Variants in WDR35 observed in about 807,000 individuals in gnomAD.
The protein encoded by WDR35 is WD repeat domain 35, also known as WD repeat-containing protein 35.
WDR35 carries 118 observed loss-of-function variants against 158.3 expected under a neutral mutation model. The observed-to-expected ratio is 0.75, with a 90% CI of 0.64 to 0.87. The LOEUF (loss-of-function observed/expected upper bound fraction) is 0.87, where lower values mean the gene tolerates loss of function less well. WDR35 is among the 40% of genes least tolerant of loss of function. WDR35 has a pLI of 0.00. For missense variants in WDR35, 1,263 were observed against 1,405.8 expected (o/e 0.90, Z 1.62); for synonymous variants, 448 against 476.1 (o/e 0.94, Z 0.77).
rs566582778 is a variant in WDR35 at position 19,911,941 on chromosome 2, C to T, written c.*1617G>A. The T allele has an allele frequency of 1.3e-5, 2 of 152,354 alleles. No homozygotes were observed. The highest frequency in any genetic ancestry group is 1.9e-4 in the East Asian group (1 of 5,184). The allele number at this position is 152,354 out of a possible 1,614,324, so 9.4% of individuals were successfully genotyped here. Reference sequence around the variant, plus strand: ...TTGCTGTGGTGAAGTGTACTTGCCCCTGACACCCTTCTATAGAGCAAGTGT... The same window carrying T: ...TTGCTGTGGTGAAGTGTACTTGCCCTTGACACCCTTCTATAGAGCAAGTGT... On this transcript the variant is annotated 3_prime_UTR_variant, in exon 27 of 27. Transcript: ENST00000281405.
chr2:19,966,828 T>A lies in WDR35; in HGVS notation c.1090A>T (p.Lys364Ter). The change falls in exon 10 of 27, where the codon AAA (lysine) becomes TAA (stop). Residue 364 changes from lysine (K) to a stop codon, truncating the protein, a stop_gained. Transcript: ENST00000281405. LOFTEE classifies it high-confidence loss of function. The stretch of plus-strand genomic sequence containing the variant: ...TATTTAACATATTTTTCATTGTTTT[T>A]CGTATCCCAGAAGACAACACAATAT... ...PEYCVVFWDT[K>*]NNEKYVKYVK... is the part of the protein sequence containing the mutation. 1 of 1,614,028 alleles carries A rather than the reference T, an allele frequency of 6.2e-7. No individual in the cohort carries two copies. The highest frequency in any genetic ancestry group is 8.5e-7 in the Non-Finnish European group (1 of 1,179,962).
At position 19,914,139 on chromosome 2, in the gene WDR35, C is replaced by G. The variant is rs757297817; in HGVS notation, c.3260G>C (p.Ser1087Thr). 2 of 1,614,140 alleles carry G rather than the reference C, an allele frequency of 1.2e-6. No individual in the cohort carries two copies. The highest frequency in any genetic ancestry group is 1.7e-5 in the Admixed American group (1 of 60,014). The change falls in exon 26 of 27, where the codon AGT (serine) becomes ACT (threonine). Residue 1087 changes from serine (S) to threonine (T), a missense_variant. By Grantham distance (58) the Ser-to-Thr change is moderately conservative (BLOSUM62 1). Transcript: ENST00000281405. ...TTCATACTGCTGTTTCTGTTCTGAA[C>G]TGAGGGTCTCTAAAGATTTAAGTTT... ...FIKLKSLETL[S>T]SEQKQQYEDL...
intron 25 of WDR35, among the ~76,000 whole-genome samples, chr2:19,920,314 CTA>C (rs1390177299): frequency 6.6e-6 from 1 of 152,184 alleles, no homozygotes; most frequent in East Asian, 1.9e-4. Flanking sequence ...TGATGAACAT[CTA>C]TGAGAAAATC....
intron 25 of WDR35, among the ~76,000 whole-genome samples, chr2:19,919,103 A>G (rs1670079002): frequency 6.6e-6 from 1 of 152,090 alleles, no homozygotes; most frequent in African/African-American, 2.4e-5. Context: ...CATCAAGGCC[A>G]GGCGCAGTGG....
At chr2:19,941,062 G>T (rs146536863) in intron 17 of WDR35, among the ~76,000 whole-genome samples, 1,833 of 152,134 alleles carry the variant, frequency 0.012, 22 homozygotes, top group Middle Eastern at 0.037. Context: ...ACCCAAACCT[G>T]TTCCAAATTG....
chr2:19,951,446 T>TC lies in WDR35; in HGVS notation c.1438dup (p.Asp480GlyfsTer5). 1.9e-6 allele frequency: 3 copies of TC among 1,611,616 alleles called. No homozygotes were observed. Among genetic ancestry groups the TC allele is most frequent in the Non-Finnish European group, 2.5e-6 (3 of 1,178,692 alleles). ...GGTTTTACTATAATCAAGCACACCA[T>TC]CCATTGATCCAGAAGGGGTATCATC... On this transcript the variant is annotated frameshift_variant, in exon 13 of 27. Coordinates refer to ENST00000281405, the MANE Select transcript of WDR35 (RefSeq NM_020779.4). LOFTEE classifies it high-confidence loss of function.
At chr2:19,961,752 T>C (rs375735280) in intron 10 of WDR35, among the ~76,000 whole-genome samples, 11 of 152,288 alleles carry the variant, frequency 7.2e-5, no homozygotes, top group African/African-American at 2.4e-4. Context: ...CAAAGGACAA[T>C]AATGTCCACT....
chr2:19,921,004 C>G (rs575788764), intron 25 of WDR35, among the ~76,000 whole-genome samples: 1 of 152,090 alleles, frequency 6.6e-6, no homozygotes, highest in African/African-American at 2.4e-5. Context: ...AATAAAATAC[C>G]TAGGAATACA....
rs1672675432 is a variant in WDR35 at position 19,989,388 on chromosome 2, C to T, written c.25-106G>A. The T allele has an allele frequency of 3.8e-6, 4 of 1,040,236 alleles. No homozygotes were observed. In the East Asian group the frequency reaches 7.1e-5, roughly 18 times the overall value. The allele number at this position is 1,040,236 out of a possible 1,614,324, so 64.4% of individuals were successfully genotyped here. A position where few individuals can be genotyped will look rare whatever the true frequency, so the allele number is the denominator to read the frequency against. On this transcript the variant is annotated intron_variant, in intron 1 of 26. Coordinates refer to ENST00000281405, the MANE Select transcript of WDR35 (RefSeq NM_020779.4). ...AAAATCTTCCAAGAAGAAAAACGAA[C>T]GGCCTTGCAGAAAAAAAATGAGCTG...
At chr2:19,989,335 G>GT (rs878919059) in intron 1 of WDR35, 53 bp from the exon 2 acceptor site, 2 of 1,460,396 alleles carry the variant, frequency 1.4e-6, no homozygotes, top group South Asian at 1.1e-5. Flanking sequence ...GAGCTGGGAA[G>GT]TAAGTCTGCA....
intron 2 of WDR35, among the ~76,000 whole-genome samples, chr2:19,988,332 A>C (rs1672636089): frequency 1.3e-5 from 2 of 152,330 alleles, no homozygotes; most frequent in Non-Finnish European, 2.9e-5. Context: ...CGGTCTGAGG[A>C]CCAGCAACTC....
chr2:19,927,334 C>T (rs533543587), intron 25 of WDR35, among the ~76,000 whole-genome samples: 10 of 152,292 alleles, frequency 6.6e-5, no homozygotes, highest in East Asian at 3.9e-4. Flanking sequence ...AAAAAATGAA[C>T]GTACTTGTTT....
At chr2:19,963,569 T>C (rs1558348486) in intron 10 of WDR35, among the ~76,000 whole-genome samples, 1 of 152,154 alleles carries the variant, frequency 6.6e-6, no homozygotes, top group African/African-American at 2.4e-5. Flanking sequence ...TGGTACTTTC[T>C]TCCTCACTGG....
At chr2:19,914,524 G>C (rs1669937153) in intron 25 of WDR35, among the ~76,000 whole-genome samples, 1 of 152,146 alleles carries the variant, frequency 6.6e-6, no homozygotes. Context: ...GGCTGTGCCA[G>C]CTCAGAAATA....
chr2:19,985,586 A>G (rs1290706792), intron 2 of WDR35, among the ~76,000 whole-genome samples: 2 of 151,616 alleles, frequency 1.3e-5, no homozygotes, highest in East Asian at 3.9e-4. Context: ...CCTTTAAAAA[A>G]AAAAAAAAAA....
intron 2 of WDR35, among the ~76,000 whole-genome samples, chr2:19,983,613 G>A (rs1672458849): frequency 1.3e-5 from 2 of 152,268 alleles, no homozygotes; most frequent in South Asian, 4.1e-4. Flanking sequence ...AAGAATTTGT[G>A]AGAATGGGAA....
At chr2:19,923,735 AT>A (rs533465707) in intron 25 of WDR35, among the ~76,000 whole-genome samples, 1 of 152,312 alleles carries the variant, frequency 6.6e-6, no homozygotes, top group South Asian at 2.1e-4. Flanking sequence ...CGAGAGGGTG[AT>A]TTACAGGCTT....
intron 10 of WDR35, among the ~76,000 whole-genome samples, chr2:19,964,164 C>T (rs1345246699): frequency 6.6e-6 from 1 of 152,064 alleles, no homozygotes; most frequent in Non-Finnish European, 1.5e-5. Context: ...ATCTGTTTTT[C>T]CTCCCTGAAA....
intron 4 of WDR35, among the ~76,000 whole-genome samples, chr2:19,979,888 A>G (rs1672331272): frequency 6.6e-6 from 1 of 152,142 alleles, no homozygotes; most frequent in Non-Finnish European, 1.5e-5. Context: ...AACAGCACAC[A>G]TGAACTTTTC....
Sources: allele counts gnomAD v4.1 joint callset (sites outside exome capture counted in the v4.1 genomes callset), GRCh38; gene constraint gnomAD v4.1.1; transcripts MANE v1.5; gene names NCBI Gene and HGNC (gene_info 2026-07-23, HGNC 2026-07-21).